Variants in KHDRBS2 observed in about 807,000 individuals in gnomAD.
KHDRBS2 encodes the protein KH domain-containing, RNA-binding, signal transduction-associated protein 2.
KHDRBS2 carries 26 observed loss-of-function variants against 44.3 expected under a neutral mutation model. That is an observed-to-expected ratio of 0.59 (90% CI 0.43 to 0.81). KHDRBS2 has a LOEUF of 0.81. Ranked by LOEUF, KHDRBS2 falls within the 40% of genes least tolerant of loss-of-function variation. The pLI, the probability that KHDRBS2 is intolerant of heterozygous loss-of-function variation, is 0.00. For missense variants in KHDRBS2, 476 were observed against 433.1 expected (o/e 1.10, Z -0.88); for synonymous variants, 194 against 151.1 (o/e 1.28, Z -2.08).
At chr6:61,724,743 T>C (rs112942260) in intron 7 of KHDRBS2, among the ~76,000 whole-genome samples, 34 of 152,058 alleles carry the variant, frequency 2.2e-4, no homozygotes, top group African/African-American at 7.0e-4. Context: ...AGGGTTAAAC[T>C]CAACAAGAAG....
chr6:61,555,215 T>A, the KHDRBS2 span, among the ~76,000 whole-genome samples: 5 of 152,348 alleles, frequency 3.3e-5, no homozygotes, highest in African/African-American at 4.8e-5. Flanking sequence ...TTTATTATTT[T>A]TTTTCTTTAT....
chr6:62,240,595 T>G (rs1434068548), intron 1 of KHDRBS2, among the ~76,000 whole-genome samples: 1 of 147,034 alleles, frequency 6.8e-6, no homozygotes, highest in African/African-American at 2.5e-5. Context: ...ACATAATACA[T>G]ATACATACAT....
intron 3 of KHDRBS2, among the ~76,000 whole-genome samples, chr6:62,004,077 C>A (rs1046913393): frequency 6.6e-6 from 1 of 152,100 alleles, no homozygotes; most frequent in Admixed American, 6.6e-5. Context: ...GACACCCTAA[C>A]ATCAGAATTA....
chr6:62,070,928 AT>A (rs1794907554), intron 2 of KHDRBS2, among the ~76,000 whole-genome samples: 1 of 152,158 alleles, frequency 6.6e-6, no homozygotes, highest in African/African-American at 2.4e-5. Flanking sequence ...GACTTCCACA[AT>A]GGTTGAACTA....
the KHDRBS2 span, among the ~76,000 whole-genome samples, chr6:61,597,915 T>G: frequency 2.3e-5 from 2 of 88,832 alleles, no homozygotes; most frequent in African/African-American, 9.7e-5. Context: ...TTTTTTTGTG[T>G]TTTTTTTTTT....
chr6:61,961,203 T>A (rs1438946277), intron 4 of KHDRBS2, among the ~76,000 whole-genome samples: 2 of 152,138 alleles, frequency 1.3e-5, no homozygotes, highest in Non-Finnish European at 2.9e-5. Flanking sequence ...ATTCACTGAG[T>A]GCTTACTATT....
the KHDRBS2 span, among the ~76,000 whole-genome samples, chr6:61,653,317 T>C: frequency 6.6e-6 from 1 of 152,096 alleles, no homozygotes; most frequent in Admixed American, 6.6e-5. Flanking sequence ...ATAAAACTTC[T>C]GTGGACAGGG....
At chr6:62,262,319 GTGCAT>G (rs1213714129) in intron 1 of KHDRBS2, among the ~76,000 whole-genome samples, 1 of 151,702 alleles carries the variant, frequency 6.6e-6, no homozygotes, top group East Asian at 1.9e-4. Flanking sequence ...CTCAGGAATC[GTGCAT>G]TTCCAGCACT....
intron 8 of KHDRBS2, among the ~76,000 whole-genome samples, chr6:61,682,428 A>G (rs1390443189): frequency 2.0e-5 from 3 of 151,878 alleles, no homozygotes; most frequent in African/African-American, 7.2e-5. Flanking sequence ...AAATAAATAT[A>G]ACAAATGTTC....
chr6:61,665,723 AAACTGATGTTCTGTGTAATATAAAG>A, the KHDRBS2 span, among the ~76,000 whole-genome samples: 4 of 151,270 alleles, frequency 2.6e-5, no homozygotes, highest in Admixed American at 2.0e-4. Flanking sequence ...ATGTATTACA[AAACTGATGTTCTGTGTAATATAAAG>A]AATACTTTAA....
chr6:62,027,511 G>C (rs1783587560), intron 3 of KHDRBS2, among the ~76,000 whole-genome samples: 2 of 152,172 alleles, frequency 1.3e-5, no homozygotes, highest in Middle Eastern at 3.4e-3. Flanking sequence ...CTGAGTTTAT[G>C]TTAATGAGGT....
chr6:61,556,204 T>G, the KHDRBS2 span, among the ~76,000 whole-genome samples: 6 of 152,160 alleles, frequency 3.9e-5, no homozygotes, highest in African/African-American at 1.4e-4. Context: ...GCCACCTTTG[T>G]GTGTGCATTA....
intron 3 of KHDRBS2, among the ~76,000 whole-genome samples, chr6:61,998,452 T>C (rs1777628534): frequency 1.3e-5 from 2 of 152,208 alleles, no homozygotes; most frequent in South Asian, 2.1e-4. Flanking sequence ...TACATTTTGG[T>C]TTTAATTAAT....
the KHDRBS2 span, among the ~76,000 whole-genome samples, chr6:61,668,785 G>T: frequency 6.7e-6 from 1 of 150,298 alleles, no homozygotes. Flanking sequence ...CTTCACTTTG[G>T]TATCCTATTA....
Position 62,044,152 on chromosome 6 carries a change from T to A in KHDRBS2, c.336+3726A>T, listed in dbSNP as rs78431234. Among the ~76,000 whole-genome samples, 451 of 152,122 alleles carry A rather than the reference T, an allele frequency of 3.0e-3. 2 individuals carry two copies. The highest frequency in any genetic ancestry group is 6.4e-3 in the South Asian group (31 of 4,826). ...GATCGAGTTTAAGACATACTTTGTA[T>A]GTCTTATGTCCAGCCTCCAGTCTCC... On this transcript the variant is annotated intron_variant, in intron 3 of 8. Transcript: ENST00000281156.
intron 3 of KHDRBS2, among the ~76,000 whole-genome samples, chr6:62,044,650 C>T (rs1433360938): frequency 1.3e-5 from 2 of 152,050 alleles, no homozygotes; most frequent in African/African-American, 2.4e-5. Context: ...AGTCACCTAT[C>T]TATGAAACCA....
At chr6:62,011,462 A>G (rs1443196511) in intron 3 of KHDRBS2, among the ~76,000 whole-genome samples, 1 of 152,204 alleles carries the variant, frequency 6.6e-6, no homozygotes, top group African/African-American at 2.4e-5. Flanking sequence ...ATAACTCAAT[A>G]CTGCCTAAAT....
At chr6:62,004,586 G>C (rs966624323) in intron 3 of KHDRBS2, among the ~76,000 whole-genome samples, 4 of 152,080 alleles carry the variant, frequency 2.6e-5, no homozygotes, top group African/African-American at 9.7e-5. Context: ...GAGGTACAAA[G>C]AGGAGCTGGT....
chr6:62,207,083 A>G (rs1828113990), intron 1 of KHDRBS2, among the ~76,000 whole-genome samples: 1 of 152,106 alleles, frequency 6.6e-6, no homozygotes, highest in Admixed American at 6.5e-5. Context: ...TGTAGGGTTA[A>G]GTAGCTATCC....
Sources: gnomAD v4.1 joint callset for allele counts (sites outside exome capture counted in the v4.1 genomes callset) on GRCh38, gnomAD v4.1.1 for gene constraint, MANE v1.5 for transcripts, NCBI Gene and HGNC (gene_info 2026-07-23, HGNC 2026-07-21) for gene names.